GRIK1: variants seen among roughly 807,000 people sequenced by gnomAD.
The protein encoded by GRIK1 is glutamate receptor ionotropic, kainate 1.
GRIK1 carries 69 observed loss-of-function variants against 105.7 expected under a neutral mutation model. The ratio of observed to expected loss-of-function variants is 0.65; its 90% CI spans 0.54 to 0.80. The LOEUF (loss-of-function observed/expected upper bound fraction) is 0.80. Among genes scored for constraint, GRIK1 ranks in the 30% least tolerant of loss-of-function variants. The pLI, the probability that GRIK1 is intolerant of heterozygous loss-of-function variation, is 0.00. For missense variants in GRIK1, 1,109 were observed against 1,167.3 expected (o/e 0.95, Z 0.73); for synonymous variants, 438 against 431.3 (o/e 1.02, Z -0.19).
chr21:29,862,655 AG>A (rs1329123444), intron 1 of GRIK1, among the ~76,000 whole-genome samples: 1 of 152,202 alleles, frequency 6.6e-6, no homozygotes, highest in Non-Finnish European at 1.5e-5. Flanking sequence ...CGCTTTGTGC[AG>A]GTGTAACTTA....
chr21:29,577,187 A>G lies in GRIK1; in HGVS notation c.1913-6T>C, dbSNP rs779677938. On this transcript the variant is annotated splice_polypyrimidine_tract_variant and splice_region_variant and intron_variant, in intron 13 of 17. Coordinates refer to ENST00000327783, the MANE Select transcript of GRIK1 (RefSeq NM_001330994.2). ...TTTGGGCATCAGCTCTGATCCTGTG[A>G]TGGTATCATCAGAGTAAGGGTGTTA... The G allele has an allele frequency of 3.8e-5, 57 of 1,514,134 alleles. No individual in the cohort carries two copies. The highest frequency in any genetic ancestry group is 4.8e-5 in the Non-Finnish European group (52 of 1,089,156). The allele number at this position is 1,514,134 out of a possible 1,614,324, so 93.8% of individuals were successfully genotyped here.
intron 1 of GRIK1, among the ~76,000 whole-genome samples, chr21:29,799,740 G>A (rs2066652911): frequency 6.6e-6 from 1 of 152,104 alleles, no homozygotes; most frequent in Admixed American, 6.6e-5. Context: ...ATGTCGGCTA[G>A]GCTGGTCTTG....
At position 29,706,034 on chromosome 21, in the gene GRIK1, C is replaced by T. The variant is rs568013865; in HGVS notation, c.119-11971G>A. On this transcript the variant is annotated intron_variant, in intron 1 of 17. Transcript: ENST00000327783. ...TACTACAGGCGTGTGCCACCACACC[C>T]GGCTAGTTTTTGTATTTTTAGTGGA... Among the ~76,000 whole-genome samples, 97 of 151,766 alleles carry T rather than the reference C, an allele frequency of 6.4e-4. 1 individual carries two copies. Among genetic ancestry groups the T allele is most frequent in the Non-Finnish European group, 1.1e-3 (77 of 67,954 alleles).
At chr21:29,653,187 G>A (rs1159338601) in intron 5 of GRIK1, among the ~76,000 whole-genome samples, 5 of 152,104 alleles carry the variant, frequency 3.3e-5, no homozygotes, top group Admixed American at 6.6e-5. Context: ...AAATGAGTCC[G>A]GTAGCACACT....
intron 13 of GRIK1, among the ~76,000 whole-genome samples, chr21:29,577,597 G>T (rs2090925682): frequency 6.6e-6 from 1 of 152,100 alleles, no homozygotes; most frequent in Non-Finnish European, 1.5e-5. Context: ...TTTTATTTAA[G>T]GTTAAAGAAT....
At chr21:29,858,792 A>T (rs2068544047) in intron 1 of GRIK1, among the ~76,000 whole-genome samples, 2 of 151,726 alleles carry the variant, frequency 1.3e-5, no homozygotes, top group Admixed American at 1.3e-4. Flanking sequence ...TACTTCATAG[A>T]AAAGCCCTTC....
At chr21:29,884,118 T>C (rs955841455) in intron 1 of GRIK1, among the ~76,000 whole-genome samples, 7 of 151,990 alleles carry the variant, frequency 4.6e-5, no homozygotes, top group African/African-American at 1.4e-4. Flanking sequence ...TGTAGTATGG[T>C]TCTGTTACCT....
intron 2 of GRIK1, 86 bp from the exon 3 acceptor site, chr21:29,690,071 CT>C: frequency 1.9e-6 from 2 of 1,045,392 alleles, no homozygotes; most frequent in Non-Finnish European, 1.4e-6. Flanking sequence ...TTAATTTTTT[CT>C]TTCATGATTC....
chr21:29,920,293 TA>T lies in GRIK1; in HGVS notation c.118+19089del, dbSNP rs1488143319. ...TTTTCCCATTATTAGAAAGGGCTAC[TA>T]TATGTACACACACAGTCTAACAAAA... On this transcript the variant is annotated intron_variant, in intron 1 of 17. Transcript: ENST00000327783. Among the ~76,000 whole-genome samples, 14 of 152,208 alleles carry T rather than the reference TA, an allele frequency of 9.2e-5. No individual in the cohort carries two copies. The South Asian group carries it at 2.1e-3, about 23-fold the overall frequency.
Position 29,896,685 on chromosome 21 carries a change from A to T in GRIK1, c.118+42698T>A, listed in dbSNP as rs73898508. On this transcript the variant is annotated intron_variant, in intron 1 of 17. Coordinates refer to ENST00000327783, the MANE Select transcript of GRIK1 (RefSeq NM_001330994.2). The stretch of plus-strand genomic sequence containing the variant: ...GGAAATACACTGTATTCACTATCTT[A>T]TGACTTCTACTACAGAGGAAGCCTA... Among the ~76,000 whole-genome samples the T allele has an allele frequency of 2.8e-3, 423 of 152,340 alleles. 2 individuals carry two copies. Among genetic ancestry groups the T allele is most frequent in the African/African-American group, 9.1e-3 (378 of 41,572 alleles).
intron 1 of GRIK1, among the ~76,000 whole-genome samples, chr21:29,716,746 C>A (rs745614419): frequency 1.7e-4 from 26 of 152,130 alleles, no homozygotes; most frequent in Non-Finnish European, 2.8e-4. Flanking sequence ...AAATTTGTAG[C>A]CTGACAATGC....
intron 6 of GRIK1, among the ~76,000 whole-genome samples, chr21:29,648,851 G>A (rs887662178): frequency 6.6e-6 from 1 of 152,146 alleles, no homozygotes; most frequent in African/African-American, 2.4e-5. Context: ...TTCAAGGCAG[G>A]GGGACAGCAA....
intron 1 of GRIK1, among the ~76,000 whole-genome samples, chr21:29,856,941 G>T (rs2068482298): frequency 6.6e-6 from 1 of 152,140 alleles, no homozygotes; most frequent in African/African-American, 2.4e-5. Flanking sequence ...CAGGAGCTCT[G>T]CATTGATGGG....
At chr21:29,892,943 G>A (rs2069956758) in intron 1 of GRIK1, among the ~76,000 whole-genome samples, 1 of 152,174 alleles carries the variant, frequency 6.6e-6, no homozygotes, top group South Asian at 2.1e-4. Flanking sequence ...GGAGGCTTAG[G>A]CGGGTGGATC....
At chr21:29,839,152 C>T (rs553030121) in intron 1 of GRIK1, among the ~76,000 whole-genome samples, 22 of 152,170 alleles carry the variant, frequency 1.4e-4, no homozygotes, top group South Asian at 6.2e-4. Context: ...CAGGTTCAAG[C>T]GATTCTCCTG....
At chr21:29,662,325 T>C (rs986733443) in intron 4 of GRIK1, among the ~76,000 whole-genome samples, 6 of 152,116 alleles carry the variant, frequency 3.9e-5, no homozygotes, top group African/African-American at 1.4e-4. Context: ...CAGAATGAAA[T>C]AGGCAATCTG....
At chr21:29,545,195 G>A (rs1440310559) in intron 16 of GRIK1, among the ~76,000 whole-genome samples, 4 of 152,260 alleles carry the variant, frequency 2.6e-5, no homozygotes, top group East Asian at 3.8e-4. Flanking sequence ...AGTGCTATGA[G>A]CAGAGAACAG....
chr21:29,554,536 CA>C (rs928990175), intron 16 of GRIK1, among the ~76,000 whole-genome samples: 2 of 150,260 alleles, frequency 1.3e-5, no homozygotes, highest in African/African-American at 4.9e-5. Context: ...ACATTCCTGG[CA>C]AAAAAAAATT....
rs942558266 is a variant in GRIK1, at chr21:29,873,720, C to T, written c.118+65663G>A. ...TTATTGCCTTTGAGAAATGTTGGGT[C>T]CTGTTTTGAAGGGCCTTGAATGTCA... is the stretch of plus-strand genomic sequence containing the variant. On this transcript the variant is annotated intron_variant, in intron 1 of 17. Coordinates refer to ENST00000327783, the MANE Select transcript of GRIK1 (RefSeq NM_001330994.2). Among the ~76,000 whole-genome samples, 7 of 152,036 alleles carry T rather than the reference C, an allele frequency of 4.6e-5. No individual in the cohort carries two copies. In the South Asian group the frequency reaches 1.5e-3, roughly 32 times the overall value.
Sources: allele counts gnomAD v4.1 joint callset (sites outside exome capture counted in the v4.1 genomes callset), GRCh38; gene constraint gnomAD v4.1.1; transcripts MANE v1.5; gene names NCBI Gene and HGNC (gene_info 2026-07-23, HGNC 2026-07-21).